The following MED28 variants were observed in gnomAD, a reference collection of about 807,000 sequenced individuals.
MED28 encodes the protein mediator of RNA polymerase II transcription subunit 28.
MED28 carries 26 observed loss-of-function variants against 21.3 expected under a neutral mutation model. That is an observed-to-expected ratio of 1.22 (90% CI 0.89 to 1.69). The LOEUF is 1.69. Ranked by LOEUF, MED28 falls within the 40% of genes most tolerant of loss-of-function variation. The probability of loss-of-function intolerance (pLI) is 0.00; values close to 1 mark genes in which losing one functional copy is unlikely to be tolerated. For missense variants in MED28, 257 were observed against 215.4 expected, an observed-to-expected ratio of 1.19 and a Z score of -1.21; for synonymous variants, 110 against 87.6, an observed-to-expected ratio of 1.26 and a Z score of -1.43.
In MED28 at chr4:17,628,556, A is replaced by G. The variant is rs1390224037; in HGVS notation, c.*4758A>G. On this transcript the variant is annotated 3_prime_UTR_variant, in exon 4 of 4. Coordinates refer to ENST00000237380, the MANE Select transcript of MED28 (RefSeq NM_025205.5). ...GAAGTCCTATGGTTCTCTGTGATGA[A>G]TAGACCCAACTTGTTCAAATACAGG... The G allele has an allele frequency of 6.6e-6, 1 of 152,034 alleles. No individual in the cohort carries two copies. The highest frequency in any genetic ancestry group is 1.5e-5 in the Non-Finnish European group (1 of 68,014). The allele number at this position is 152,034 out of a possible 1,614,324, so 9.4% of individuals were successfully genotyped here.
Position 17,631,220 on chromosome 4 carries a change from A to AT in MED28, c.*7429dup, listed in dbSNP as rs1005017584. The AT allele has an allele frequency of 2.0e-5, 3 of 151,394 alleles. No individual in the cohort carries two copies. Among genetic ancestry groups the AT allele is most frequent in the East Asian group, 1.9e-4 (1 of 5,156 alleles). 9.4% of individuals were successfully genotyped at this position (151,394 alleles called of 1,614,324 possible). ...AGAGGTTCAGGGGATATATATATATATTTTTTTAATCTGTAGAGATGGGAT... is the reference window on the plus strand; with the variant it reads ...AGAGGTTCAGGGGATATATATATATATTTTTTTTAATCTGTAGAGATGGGAT... On this transcript the variant is annotated 3_prime_UTR_variant, in exon 4 of 4. Coordinates refer to ENST00000237380, the MANE Select transcript of MED28 (RefSeq NM_025205.5).
rs115738011 is a variant in MED28 at position 17,630,373 on chromosome 4, A to G, written c.*6575A>G. ...ATGGAGTCATGAGGGCTTCACCCTC[A>G]TGAGTAGGATAAGTACCCTTACAAA... On this transcript the variant is annotated 3_prime_UTR_variant, in exon 4 of 4. Coordinates refer to ENST00000237380, the MANE Select transcript of MED28 (RefSeq NM_025205.5). 6.9e-4 allele frequency: 105 copies of G among 152,302 alleles called. No individual in the cohort carries two copies. Among genetic ancestry groups the G allele is most frequent in the African/African-American group, 2.5e-3 (103 of 41,580 alleles). The allele number at this position is 152,302 out of a possible 1,614,324, so 9.4% of individuals were successfully genotyped here.
Position 17,633,514 on chromosome 4 carries a change from A to C in MED28, c.*9716A>C, listed in dbSNP as rs1437853597. The C allele has an allele frequency of 5.4e-6, 3 of 551,570 alleles. No individual in the cohort carries two copies. The African/African-American group carries it at 5.8e-5, about 11-fold the overall frequency. 34.2% of individuals were successfully genotyped at this position (551,570 alleles called of 1,614,324 possible). On this transcript the variant is annotated 3_prime_UTR_variant, in exon 4 of 4. Coordinates refer to ENST00000237380, the MANE Select transcript of MED28 (RefSeq NM_025205.5). ...CAGACCTCCAGGCCAGATGGAGTCC[A>C]CCTTTTGTATAACCCATGCTGAAGT...
In MED28 at chr4:17,626,550, G is replaced by A. The variant is rs1714776655; in HGVS notation, c.*2752G>A. On this transcript the variant is annotated 3_prime_UTR_variant, in exon 4 of 4. Coordinates refer to ENST00000237380, the MANE Select transcript of MED28 (RefSeq NM_025205.5). ...CTTGGGTGTGGTAGCTCTTTGAAAG[G>A]TAGAAAGTTCCACCAAGAAGGCCTT... 6.6e-6 allele frequency: 1 copy of A among 152,196 alleles called. No individual in the cohort carries two copies. Among genetic ancestry groups the A allele is most frequent in the African/African-American group, 2.4e-5 (1 of 41,434 alleles). The allele number at this position is 152,196 out of a possible 1,614,324, so 9.4% of individuals were successfully genotyped here. A position where few individuals can be genotyped will look rare whatever the true frequency, so the allele number is the denominator to read the frequency against.
chr4:17,615,644 T>G (rs1008379558), intron 1 of MED28, among the ~76,000 whole-genome samples: 1 of 151,994 alleles, frequency 6.6e-6, no homozygotes, highest in Non-Finnish European at 1.5e-5. Context: ...ACCCTGACTC[T>G]ACTAAAAATA....
chr4:17,619,873 T>C, intron 1 of MED28, 28 bp from the exon 2 acceptor site: 1 of 1,605,278 alleles, frequency 6.2e-7, no homozygotes, highest in South Asian at 1.1e-5. Flanking sequence ...AATGATATTT[T>C]TTTCTTTCCT....
rs370039791 is a variant in MED28, at chr4:17,619,945, C to G, written c.204C>G (p.Thr68=). 6.2e-7 allele frequency: 1 copy of G among 1,613,958 alleles called. No individual in the cohort carries two copies. Among genetic ancestry groups the G allele is most frequent in the African/African-American group, 1.3e-5 (1 of 74,914 alleles). The change falls in exon 2 of 4, where the codon ACC becomes ACG. Residue 68 remains threonine, a synonymous_variant. Transcript: ENST00000237380. ...TGAGTCAGGACTATGTCAATGGCAC[C>G]GATCAGGAAGAAATTCGAACCGGTA... ...SLVSQDYVNG[T]DQEEIRTGVD... is the part of the protein sequence containing the mutation.
Position 17,625,390 on chromosome 4 carries a change from G to T in MED28, c.*1592G>T, listed in dbSNP as rs994592341. On this transcript the variant is annotated 3_prime_UTR_variant, in exon 4 of 4. Coordinates refer to ENST00000237380, the MANE Select transcript of MED28 (RefSeq NM_025205.5). Reference sequence around the variant, plus strand: ...AACAAAGCTTTTAAAAGCTCATGTGGTATGACCTCAAGGTTGCTAACCTGG... The same window carrying T: ...AACAAAGCTTTTAAAAGCTCATGTGTTATGACCTCAAGGTTGCTAACCTGG... 18 of 232,826 alleles carry T rather than the reference G, an allele frequency of 7.7e-5. No individual in the cohort carries two copies. Among genetic ancestry groups the T allele is most frequent in the Admixed American group, 4.0e-4 (7 of 17,608 alleles). The allele number at this position is 232,826 out of a possible 1,614,324, so 14.4% of individuals were successfully genotyped here.
Position 17,633,477 on chromosome 4 carries a change from G to C in MED28, c.*9679G>C. 3 of 458,252 alleles carry C rather than the reference G, an allele frequency of 6.5e-6. No homozygotes were observed. The highest frequency in any genetic ancestry group is 1.2e-5 in the Non-Finnish European group (3 of 260,424). 28.4% of individuals were successfully genotyped at this position (458,252 alleles called of 1,614,324 possible). ...CACAGAGCTAAGAATGAGGAAGACT[G>C]TAATTTGAATTCAGACCTCCAGGCC... On this transcript the variant is annotated 3_prime_UTR_variant, in exon 4 of 4. Transcript: ENST00000237380.
Position 17,628,068 on chromosome 4 carries a change from T to G in MED28, c.*4270T>G, listed in dbSNP as rs1714813130. 6.6e-6 allele frequency: 1 copy of G among 152,138 alleles called. No individual in the cohort carries two copies. The highest frequency in any genetic ancestry group is 6.5e-5 in the Admixed American group (1 of 15,272). 9.4% of individuals were successfully genotyped at this position (152,138 alleles called of 1,614,324 possible). A position where few individuals can be genotyped will look rare whatever the true frequency, so the allele number is the denominator to read the frequency against. On this transcript the variant is annotated 3_prime_UTR_variant, in exon 4 of 4. Coordinates refer to ENST00000237380, the MANE Select transcript of MED28 (RefSeq NM_025205.5). ...GACATTCAGAAGCTGACAACACTGTTCGGTCATGCCATTCTCCTGTTGGAC... is the reference window on the plus strand; with the variant it reads ...GACATTCAGAAGCTGACAACACTGTGCGGTCATGCCATTCTCCTGTTGGAC...
rs916225997 is a variant in MED28, at chr4:17,631,102, C to T, written c.*7304C>T. 1 of 152,166 alleles carries T rather than the reference C, an allele frequency of 6.6e-6. No individual in the cohort carries two copies. The highest frequency in any genetic ancestry group is 2.4e-5 in the African/African-American group (1 of 41,402). The allele number at this position is 152,166 out of a possible 1,614,324, so 9.4% of individuals were successfully genotyped here. A position where few individuals can be genotyped will look rare whatever the true frequency, so the allele number is the denominator to read the frequency against. On this transcript the variant is annotated 3_prime_UTR_variant, in exon 4 of 4. Transcript: ENST00000237380. ...TGTGGACTGAGAGCAAGGTCAGCAC[C>T]GTGAACAGCCATTGCGGTTCCTTTA...
chr4:17,632,678 A>G lies in MED28; in HGVS notation c.*8880A>G. On this transcript the variant is annotated 3_prime_UTR_variant, in exon 4 of 4. Coordinates refer to ENST00000237380, the MANE Select transcript of MED28 (RefSeq NM_025205.5). The stretch of plus-strand genomic sequence containing the variant: ...TGGTTTTGAAAACTATGCAAGAAGC[A>G]GCTTAATACCCACCATCTTTTCAGG... 2.6e-6 allele frequency: 3 copies of G among 1,176,350 alleles called. No homozygotes were observed. Among genetic ancestry groups the G allele is most frequent in the Non-Finnish European group, 3.7e-6 (3 of 817,674 alleles). The allele number at this position is 1,176,350 out of a possible 1,614,324, so 72.9% of individuals were successfully genotyped here.
rs1714754201 is a variant in MED28, at chr4:17,625,625, A to T, written c.*1827A>T. On this transcript the variant is annotated 3_prime_UTR_variant, in exon 4 of 4. Transcript: ENST00000237380. ...TTAAATTCAGAAGTTTTTTTGCCAA[A>T]TAACAATTTTTCAATCTTCTCTGTT... The T allele has an allele frequency of 4.5e-6, 2 of 444,250 alleles. No homozygotes were observed. The highest frequency in any genetic ancestry group is 9.0e-6 in the Non-Finnish European group (2 of 223,158). The allele number at this position is 444,250 out of a possible 1,614,324, so 27.5% of individuals were successfully genotyped here.
rs1714642137 is a variant in MED28, at chr4:17,621,707, C to T, written c.339+8C>T. 6.4e-7 allele frequency: 1 copy of T among 1,563,886 alleles called. No homozygotes were observed. Among genetic ancestry groups the T allele is most frequent in the African/African-American group, 1.4e-5 (1 of 73,712 alleles). On this transcript the variant is annotated splice_region_variant and intron_variant, in intron 3 of 3. Transcript: ENST00000237380. ...GAGCAAGTTATCAAAGAGGTATGAA[C>T]TCAGTTTTCTCCTCAGCTCTATAGG...
At chr4:17,616,284 TTAGGAG>T (rs1714450288) in intron 1 of MED28, among the ~76,000 whole-genome samples, 1 of 152,080 alleles carries the variant, frequency 6.6e-6, no homozygotes, top group African/African-American at 2.4e-5. Flanking sequence ...GACAGACCGT[TTAGGAG>T]GAGGAGGAGG....
intron 2 of MED28, 113 bp downstream of exon 2, chr4:17,620,080 G>T: frequency 2.1e-6 from 2 of 943,404 alleles, no homozygotes; most frequent in South Asian, 1.4e-5. Flanking sequence ...AACATTTCAG[G>T]GACTAAAATG....
intron 2 of MED28, among the ~76,000 whole-genome samples, chr4:17,620,343 A>G (rs964229671): frequency 1.4e-5 from 2 of 139,770 alleles, no homozygotes; most frequent in East Asian, 2.3e-4. Context: ...TCTTCGTACC[A>G]TATTTTACAT....
At chr4:17,618,013 C>CTTTTTTTTTT (rs529883796) in intron 1 of MED28, among the ~76,000 whole-genome samples, 10 of 117,918 alleles carry the variant, frequency 8.5e-5, no homozygotes, top group Admixed American at 1.0e-4. Flanking sequence ...CTTTTCTTTT[C>CTTTTTTTTTT]TTTTTTTTTT....
Position 17,628,961 on chromosome 4 carries a change from G to C in MED28, c.*5163G>C, listed in dbSNP as rs1714847926. ...TCTGTTCCCTGCAGAGGGATAGTGA[G>C]GAACTGATGAGGTGACTGTGAGTGC... On this transcript the variant is annotated 3_prime_UTR_variant, in exon 4 of 4. Coordinates refer to ENST00000237380, the MANE Select transcript of MED28 (RefSeq NM_025205.5). The C allele has an allele frequency of 6.6e-6, 1 of 152,422 alleles. No homozygotes were observed. The highest frequency in any genetic ancestry group is 1.5e-5 in the Non-Finnish European group (1 of 68,230). 9.4% of individuals were successfully genotyped at this position (152,422 alleles called of 1,614,324 possible). A position where few individuals can be genotyped will look rare whatever the true frequency, so the allele number is the denominator to read the frequency against.
Sources: allele counts gnomAD v4.1 joint callset (sites outside exome capture counted in the v4.1 genomes callset), GRCh38; gene constraint gnomAD v4.1.1; transcripts MANE v1.5; gene names NCBI Gene and HGNC (gene_info 2026-07-23, HGNC 2026-07-21).